The following TTC39B variants were observed in gnomAD, a reference collection of about 807,000 sequenced individuals.
TTC39B encodes tetratricopeptide repeat domain 39B, also known as tetratricopeptide repeat protein 39B.
Under a neutral mutation model 96.6 loss-of-function variants are expected in TTC39B, and 92 were observed. The observed-to-expected ratio is 0.95, with a 90% CI of 0.80 to 1.13. The LOEUF (loss-of-function observed/expected upper bound fraction) is 1.13, where lower values mean the gene tolerates loss of function less well. TTC39B is among the 50% of genes most tolerant of loss of function. The probability of loss-of-function intolerance (pLI) is 0.00; values close to 1 mark genes in which losing one functional copy is unlikely to be tolerated. For synonymous variants in TTC39B, 367 were observed against 299.4 expected (o/e 1.23, Z -2.33); for missense variants, 955 against 809.3 (o/e 1.18, Z -2.18).
At chr9:15,185,976 GTTTAGAAACTTCC>G (rs1274131999) in intron 15 of TTC39B, among the ~76,000 whole-genome samples, 4 of 152,150 alleles carry the variant, frequency 2.6e-5, no homozygotes, top group African/African-American at 9.7e-5. Flanking sequence ...TGTGTACCAT[GTTTAGAAACTTCC>G]TTTTAAAATT....
chr9:15,205,840 G>A (rs1007252456), intron 6 of TTC39B, among the ~76,000 whole-genome samples: 7 of 152,088 alleles, frequency 4.6e-5, no homozygotes, highest in Non-Finnish European at 1.0e-4. Context: ...GAGCCGGGGC[G>A]GAGGGGACTG....
At chr9:15,210,788 C>G (rs1227720841) in intron 5 of TTC39B, among the ~76,000 whole-genome samples, 1 of 151,202 alleles carries the variant, frequency 6.6e-6, no homozygotes, top group Non-Finnish European at 1.5e-5. Flanking sequence ...ATAACTTACC[C>G]CTTGAAAAAA....
chr9:15,281,199 A>C (rs1823749016), intron 1 of TTC39B, among the ~76,000 whole-genome samples: 2 of 152,126 alleles, frequency 1.3e-5, no homozygotes, highest in Admixed American at 1.3e-4. Context: ...ACAACAACAA[A>C]AACCCACTGT....
chr9:15,237,850 A>G (rs1821857471), intron 2 of TTC39B, among the ~76,000 whole-genome samples: 1 of 152,138 alleles, frequency 6.6e-6, no homozygotes, highest in African/African-American at 2.4e-5. Flanking sequence ...AAAACTACCA[A>G]CCAATATCCC....
Position 15,192,694 on chromosome 9 carries a change from C to A in TTC39B, c.826G>T (p.Glu276Ter). The change falls in exon 9 of 20, where the codon GAA (glutamate) becomes TAA (stop). Residue 276 changes from glutamate (E) to a stop codon, truncating the protein, a stop_gained and splice_region_variant. Coordinates refer to ENST00000512701, the Ensembl canonical transcript of TTC39B. LOFTEE classifies it high-confidence loss of function. ...ATTTCATGCAGGATAGAAAGACATT[C>A]TCTGGGTTGAAGAAAAAAAGTGACA... The A allele has an allele frequency of 1.2e-6, 2 of 1,610,856 alleles. No homozygotes were observed. Among genetic ancestry groups the A allele is most frequent in the Non-Finnish European group, 8.5e-7 (1 of 1,178,440 alleles).
At chr9:15,275,707 T>C (rs1440048060) in intron 1 of TTC39B, among the ~76,000 whole-genome samples, 5 of 152,098 alleles carry the variant, frequency 3.3e-5, no homozygotes. Flanking sequence ...GGTGGAAATG[T>C]ATAAGGTAAG....
chr9:15,193,167 A>C (rs1417638324), intron 8 of TTC39B, among the ~76,000 whole-genome samples: 1 of 152,252 alleles, frequency 6.6e-6, no homozygotes, highest in African/African-American at 2.4e-5. Context: ...GGACCAGGAC[A>C]GACTGAAACA....
intron 2 of TTC39B, among the ~76,000 whole-genome samples, chr9:15,227,614 C>G (rs1021176149): frequency 3.9e-5 from 6 of 152,128 alleles, no homozygotes; most frequent in African/African-American, 1.4e-4. Context: ...ACAGGTACCA[C>G]TTCCATAAAT....
chr9:15,288,807 G>A (rs780787717), intron 1 of TTC39B, among the ~76,000 whole-genome samples: 3 of 152,206 alleles, frequency 2.0e-5, no homozygotes, highest in African/African-American at 4.8e-5. Flanking sequence ...CGGAGCCCAG[G>A]GGCACTTGCC....
chr9:15,286,000 CAG>C (rs1180925563), intron 1 of TTC39B, among the ~76,000 whole-genome samples: 2 of 152,214 alleles, frequency 1.3e-5, no homozygotes, highest in African/African-American at 4.8e-5. Context: ...TCTAGCCAAA[CAG>C]TATTTTTTTC....
At chr9:15,244,251 C>G in intron 2 of TTC39B, among the ~76,000 whole-genome samples, 1 of 152,244 alleles carries the variant, frequency 6.6e-6, no homozygotes, top group East Asian at 1.9e-4. Context: ...TTATTTCTGA[C>G]TGAAAACTTC....
intron 2 of TTC39B, among the ~76,000 whole-genome samples, chr9:15,240,898 T>C (rs1222657080): frequency 2.6e-5 from 4 of 152,232 alleles, no homozygotes; most frequent in African/African-American, 4.8e-5. Context: ...TCTACTATTA[T>C]ATTCCTGAAC....
chr9:15,187,884 ATAC>A (rs1818622576), intron 14 of TTC39B, 84 bp downstream of exon 14: 1 of 1,363,702 alleles, frequency 7.3e-7, no homozygotes, highest in Admixed American at 2.4e-5. Context: ...CTGTGGTATC[ATAC>A]TACTGAGCAA....
intron 1 of TTC39B, among the ~76,000 whole-genome samples, chr9:15,284,205 A>G (rs781694496): frequency 3.9e-5 from 6 of 152,236 alleles, no homozygotes; most frequent in Non-Finnish European, 8.8e-5. Context: ...GTAAAAAGTC[A>G]TATTATTTTT....
At chr9:15,295,446 T>C (rs1018175962) in intron 1 of TTC39B, among the ~76,000 whole-genome samples, 12 of 152,220 alleles carry the variant, frequency 7.9e-5, no homozygotes, top group African/African-American at 2.9e-4. Flanking sequence ...GAATCTAGCT[T>C]CTAACCCTGA....
At chr9:15,208,317 C>A (rs183663607) in intron 6 of TTC39B, among the ~76,000 whole-genome samples, 152 of 151,974 alleles carry the variant, frequency 1.0e-3, no homozygotes, top group African/African-American at 3.5e-3. Context: ...GCCACCACAC[C>A]CGGCCAAATT....
exon 20 of TTC39B, chr9:15,171,264 T>C (rs566448464): frequency 6.6e-6 from 1 of 151,462 alleles, no homozygotes; most frequent in Admixed American, 6.6e-5. Context: ...AATCCATGTA[T>C]GTATTTTAGG....
chr9:15,270,445 G>A (rs139154740), intron 1 of TTC39B, among the ~76,000 whole-genome samples: 59 of 152,056 alleles, frequency 3.9e-4, no homozygotes, highest in African/African-American at 1.4e-3. Flanking sequence ...CCCACTCCTG[G>A]GAGCCTTCTG....
chr9:15,171,133 G>A (rs1029034884), exon 20 of TTC39B: 3 of 152,132 alleles, frequency 2.0e-5, no homozygotes, highest in African/African-American at 4.8e-5. Context: ...TATCTACAAG[G>A]AGACATCACA....
Sources: gnomAD v4.1 joint callset for allele counts (sites outside exome capture counted in the v4.1 genomes callset) on GRCh38, gnomAD v4.1.1 for gene constraint, MANE v1.5 for transcripts, NCBI Gene and HGNC (gene_info 2026-07-23, HGNC 2026-07-21) for gene names.